ARL15: variants seen among roughly 807,000 people sequenced by gnomAD.
ARL15 encodes ADP-ribosylation factor-like protein 15.
A neutral mutation model predicts 25.2 loss-of-function variants in ARL15; 19 were observed. That is an observed-to-expected ratio of 0.75 (90% confidence interval 0.53 to 1.10). ARL15 has a LOEUF of 1.10. Ranked by LOEUF, ARL15 falls within the 50% of genes least tolerant of loss-of-function variation. ARL15 has a pLI of 0.00. For synonymous variants in ARL15, 94 were observed against 86.8 expected, an observed-to-expected ratio of 1.08 and a Z score of -0.46; for missense variants, 220 against 246.0, an observed-to-expected ratio of 0.89 and a Z score of 0.71.
rs5867920 is a variant in ARL15, at chr5:54,184,615, CAAAA to C, written c.49-12691_49-12688del. The stretch of plus-strand genomic sequence containing the variant: ...GAACTGAAGCTAGAAAGGCTTATAA[CAAAA>C]AAAAAAAAAAAAAAAGGAAAACAAA... On this transcript the variant is annotated intron_variant, in intron 1 of 4. Coordinates refer to ENST00000504924, the MANE Select transcript of ARL15 (RefSeq NM_019087.3). 7.8e-3 allele frequency among the ~76,000 whole-genome samples: 944 copies of C among 121,612 alleles called. 8 individuals are homozygous for C. The highest frequency in any genetic ancestry group is 0.027 in the African/African-American group (879 of 32,674). The allele number at this position is 121,612 out of a possible 152,430, so 79.8% of individuals were successfully genotyped here.
At chr5:54,244,799 TAAAAAA>T (rs10560131) in intron 1 of ARL15, among the ~76,000 whole-genome samples, 1 of 148,660 alleles carries the variant, frequency 6.7e-6, no homozygotes, top group Non-Finnish European at 1.5e-5. Flanking sequence ...AAGGTAGCCA[TAAAAAA>T]AAAAAACATC....
chr5:53,959,698 T>C (rs1355624671), intron 4 of ARL15, among the ~76,000 whole-genome samples: 1 of 152,082 alleles, frequency 6.6e-6, no homozygotes. Context: ...TTTGCACCTC[T>C]TCCTGTTTTT....
At chr5:53,933,018 T>A (rs995079220) in intron 4 of ARL15, among the ~76,000 whole-genome samples, 1 of 152,212 alleles carries the variant, frequency 6.6e-6, no homozygotes, top group Non-Finnish European at 1.5e-5. Flanking sequence ...GCCATAGTTA[T>A]CACAGAGTCA....
intron 4 of ARL15, among the ~76,000 whole-genome samples, chr5:53,902,160 G>A (rs1745086498): frequency 6.6e-6 from 1 of 152,188 alleles, no homozygotes; most frequent in African/African-American, 2.4e-5. Flanking sequence ...TTTAAAATGA[G>A]TTTTTGGCCA....
At chr5:54,268,903 G>A (rs1345647527) in intron 1 of ARL15, among the ~76,000 whole-genome samples, 1 of 152,158 alleles carries the variant, frequency 6.6e-6, no homozygotes, top group Non-Finnish European at 1.5e-5. Context: ...AAAAAATGAT[G>A]AGTTCATGTC....
chr5:54,033,973 C>T (rs564039119), intron 4 of ARL15, among the ~76,000 whole-genome samples: 3 of 152,126 alleles, frequency 2.0e-5, no homozygotes, highest in African/African-American at 7.2e-5. Flanking sequence ...GCCACCATGC[C>T]CGGCTAATTT....
chr5:54,059,737 T>C (rs1014003025), intron 4 of ARL15, among the ~76,000 whole-genome samples: 2 of 152,218 alleles, frequency 1.3e-5, no homozygotes, highest in Admixed American at 6.5e-5. Flanking sequence ...TCTTATTGTG[T>C]AGTTAACTTT....
intron 4 of ARL15, among the ~76,000 whole-genome samples, chr5:53,899,753 GTC>G (rs1171535705): frequency 2.1e-4 from 32 of 152,086 alleles, no homozygotes; most frequent in Non-Finnish European, 1.5e-4. Flanking sequence ...GTTGGATTAT[GTC>G]TCTCTCACAT....
At chr5:54,143,585 A>G (rs1753828286) in intron 3 of ARL15, among the ~76,000 whole-genome samples, 6 of 152,030 alleles carry the variant, frequency 3.9e-5, no homozygotes. Context: ...ATTGATACAG[A>G]TATACGTGTT....
intron 4 of ARL15, among the ~76,000 whole-genome samples, chr5:53,997,069 T>G (rs1748705803): frequency 1.3e-5 from 2 of 152,198 alleles, no homozygotes; most frequent in South Asian, 4.1e-4. Context: ...GAAGAATACA[T>G]TTCTCATCTA....
intron 1 of ARL15, among the ~76,000 whole-genome samples, chr5:54,229,020 G>GA (rs1756598452): frequency 6.6e-6 from 1 of 152,042 alleles, no homozygotes; most frequent in Non-Finnish European, 1.5e-5. Flanking sequence ...GACACTCTAG[G>GA]AACACAAGGG....
At chr5:54,268,389 C>T (rs1194906411) in intron 1 of ARL15, among the ~76,000 whole-genome samples, 4 of 152,226 alleles carry the variant, frequency 2.6e-5, no homozygotes, top group African/African-American at 9.6e-5. Context: ...TCAAAGTTTT[C>T]AACTTCTTTG....
intron 1 of ARL15, among the ~76,000 whole-genome samples, chr5:54,243,780 T>C (rs547743362): frequency 2.0e-4 from 30 of 152,326 alleles, no homozygotes; most frequent in Admixed American, 7.8e-4. Context: ...ATGTGGCCCA[T>C]TGGCCTCTAA....
chr5:53,967,406 T>C (rs1391253509), intron 4 of ARL15, among the ~76,000 whole-genome samples: 1 of 152,042 alleles, frequency 6.6e-6, no homozygotes, highest in Non-Finnish European at 1.5e-5. Flanking sequence ...AGATGAGAGA[T>C]TTCAGCAATG....
At chr5:54,077,682 T>C (rs1009048306) in intron 4 of ARL15, among the ~76,000 whole-genome samples, 2 of 152,222 alleles carry the variant, frequency 1.3e-5, no homozygotes, top group Non-Finnish European at 2.9e-5. Flanking sequence ...CAACAACAGC[T>C]AGCCTTAATA....
intron 4 of ARL15, among the ~76,000 whole-genome samples, chr5:53,887,995 A>G (rs1744591444): frequency 6.6e-6 from 1 of 152,186 alleles, no homozygotes; most frequent in Non-Finnish European, 1.5e-5. Context: ...ATGCTAATTT[A>G]GGAACCAGAA....
intron 1 of ARL15, among the ~76,000 whole-genome samples, chr5:54,200,819 A>T (rs1228052653): frequency 6.6e-6 from 1 of 152,172 alleles, no homozygotes; most frequent in African/African-American, 2.4e-5. Flanking sequence ...ACTCTATCAC[A>T]GATAGGCGAA....
chr5:54,074,243 G>C (rs1036111069), intron 4 of ARL15, among the ~76,000 whole-genome samples: 3 of 152,274 alleles, frequency 2.0e-5, no homozygotes, highest in African/African-American at 7.2e-5. Flanking sequence ...TACAAACTGA[G>C]CCTCATCTAA....
chr5:54,209,239 G>T (rs960989330), intron 1 of ARL15, among the ~76,000 whole-genome samples: 8 of 151,956 alleles, frequency 5.3e-5, no homozygotes, highest in Admixed American at 1.3e-4. Flanking sequence ...AATTTCCAAA[G>T]CAGAAGCCAA....
Sources: gnomAD v4.1 joint callset for allele counts (sites outside exome capture counted in the v4.1 genomes callset) on GRCh38, gnomAD v4.1.1 for gene constraint, MANE v1.5 for transcripts, NCBI Gene and HGNC (gene_info 2026-07-23, HGNC 2026-07-21) for gene names.